COX16: variants seen among roughly 807,000 people sequenced by gnomAD.
COX16 encodes the protein cytochrome c oxidase assembly factor COX16.
COX16 carries 12 observed loss-of-function variants against 15.4 expected under a neutral mutation model. The ratio of observed to expected loss-of-function variants is 0.78; its 90% confidence interval spans 0.50 to 1.26. The LOEUF is 1.26. COX16 is among the 50% of genes most tolerant of loss of function. The probability of loss-of-function intolerance (pLI) is 0.00; values close to 1 mark genes in which losing one functional copy is unlikely to be tolerated. For synonymous variants in COX16, 46 were observed against 41.1 expected (o/e 1.12, Z -0.46); for missense variants, 124 against 127.6 (o/e 0.97, Z 0.14).
At chr14:70,343,027 A>G (rs1206797197) in intron 1 of COX16, among the ~76,000 whole-genome samples, 1 of 152,052 alleles carries the variant, frequency 6.6e-6, no homozygotes, top group African/African-American at 2.4e-5. Flanking sequence ...CAATAGACCT[A>G]TTTTTGTTTT....
At chr14:70,355,255 T>C (rs1463229864) in intron 1 of COX16, among the ~76,000 whole-genome samples, 1 of 152,162 alleles carries the variant, frequency 6.6e-6, no homozygotes, top group Non-Finnish European at 1.5e-5. Flanking sequence ...ATTTCATGAA[T>C]AAAATTTCAT....
Position 70,359,652 on chromosome 14 carries a change from G to T in COX16, c.-65C>A. 2.1e-6 allele frequency: 3 copies of T among 1,430,438 alleles called. No individual in the cohort carries two copies. 88.6% of individuals were successfully genotyped at this position (1,430,438 alleles called of 1,614,324 possible). The stretch of plus-strand genomic sequence containing the variant: ...TAGCGCAGACTCCCAAATCTCAGCA[G>T]CTCACGCTCTCACCAAGACGAGTAC... On this transcript the variant is annotated 5_prime_UTR_variant, in exon 1 of 4. The change creates a new upstream start codon in the 5' untranslated region. Coordinates refer to ENST00000389912, the MANE Select transcript of COX16 (RefSeq NM_016468.7).
At chr14:70,337,532 A>G (rs1002509560) in intron 2 of COX16, among the ~76,000 whole-genome samples, 4 of 152,062 alleles carry the variant, frequency 2.6e-5, no homozygotes, top group Admixed American at 6.5e-5. Context: ...AACCTCTATA[A>G]TTGTTTATAA....
intron 1 of COX16, among the ~76,000 whole-genome samples, chr14:70,343,234 G>T (rs957146062): frequency 6.6e-6 from 1 of 152,174 alleles, no homozygotes; most frequent in African/African-American, 2.4e-5. Context: ...AAATAAGGCA[G>T]ATGCCTAGCT....
chr14:70,330,949 T>G (rs1886267086), intron 2 of COX16, among the ~76,000 whole-genome samples: 1 of 152,182 alleles, frequency 6.6e-6, no homozygotes, highest in African/African-American at 2.4e-5. Context: ...ATATTTATAC[T>G]TTGGAGTAGG....
At chr14:70,329,352 CA>C (rs1886204229) in intron 2 of COX16, 116 bp from the exon 3 acceptor site, 4 of 726,074 alleles carry the variant, frequency 5.5e-6, no homozygotes, top group Non-Finnish European at 8.5e-6. Context: ...AAACACATGG[CA>C]AAATCTCCAC....
At position 70,347,057 on chromosome 14, in the gene COX16, G is replaced by A. The variant is rs1886804949; in HGVS notation, c.70-4328C>T. Among the ~76,000 whole-genome samples, 3 of 151,900 alleles carry A rather than the reference G, an allele frequency of 2.0e-5. 1 individual carries two copies. In the South Asian group the frequency reaches 6.2e-4, roughly 32 times the overall value. ...TGTTTAGAATATTTCCACACCTTCAGTCGCAAAACACCACACCCCCGTCCG... is the reference window on the plus strand; with the variant it reads ...TGTTTAGAATATTTCCACACCTTCAATCGCAAAACACCACACCCCCGTCCG... On this transcript the variant is annotated intron_variant, in intron 1 of 3. Coordinates refer to ENST00000389912, the MANE Select transcript of COX16 (RefSeq NM_016468.7).
At chr14:70,337,856 A>G (rs896849360) in intron 2 of COX16, among the ~76,000 whole-genome samples, 6 of 152,174 alleles carry the variant, frequency 3.9e-5, no homozygotes, top group Non-Finnish European at 7.3e-5. Flanking sequence ...CACAGCAAAA[A>G]AGAGGTTTAG....
intron 3 of COX16, among the ~76,000 whole-genome samples, chr14:70,327,877 T>A (rs1175153094): frequency 6.6e-6 from 1 of 151,960 alleles, no homozygotes; most frequent in Non-Finnish European, 1.5e-5. Context: ...GACATAACAC[T>A]TCACAGCCAA....
intron 2 of COX16, among the ~76,000 whole-genome samples, chr14:70,329,720 CCAAAAA>C (rs1886218839): frequency 1.7e-5 from 1 of 60,208 alleles, no homozygotes; most frequent in African/African-American, 5.4e-5. Context: ...TAGATATCTA[CCAAAAA>C]AAAAAAAAAA....
intron 1 of COX16, among the ~76,000 whole-genome samples, chr14:70,358,252 A>C (rs10148837): frequency 6.6e-6 from 1 of 151,726 alleles, no homozygotes; most frequent in Non-Finnish European, 1.5e-5. Context: ...ACTATTAGTT[A>C]TGATGCTTTT....
At chr14:70,326,963 C>A (rs1185496961) in intron 3 of COX16, among the ~76,000 whole-genome samples, 1 of 152,150 alleles carries the variant, frequency 6.6e-6, no homozygotes, top group Non-Finnish European at 1.5e-5. Context: ...TTTTGGGCAA[C>A]TGAAACTAAC....
chr14:70,354,829 A>AGTGTGTGTGC (rs1555345883), intron 1 of COX16, among the ~76,000 whole-genome samples: 282 of 85,764 alleles, frequency 3.3e-3, no homozygotes, highest in Non-Finnish European at 3.3e-3. Flanking sequence ...CTATGCATAG[A>AGTGTGTGTGC]GTGTGTGTGT....
intron 2 of COX16, among the ~76,000 whole-genome samples, chr14:70,340,202 G>T (rs375221103): frequency 6.6e-6 from 1 of 152,136 alleles, no homozygotes; most frequent in Non-Finnish European, 1.5e-5. Flanking sequence ...AAGATCTGAC[G>T]GTTTTATAAG....
rs747607355 is a variant in COX16 at position 70,357,918 on chromosome 14, A to G, written c.69+1601T>C. On this transcript the variant is annotated intron_variant, in intron 1 of 3. Transcript: ENST00000389912. ...TTCCCTACCTGAGAGAAATGAAAACATACTTCCACACAAAGCGTGTACATA... is the reference window on the plus strand; with the variant it reads ...TTCCCTACCTGAGAGAAATGAAAACGTACTTCCACACAAAGCGTGTACATA... Among the ~76,000 whole-genome samples, 78 of 152,348 alleles carry G rather than the reference A, an allele frequency of 5.1e-4. 1 individual carries two copies. The highest frequency in any genetic ancestry group is 7.2e-4 in the Admixed American group (11 of 15,298).
intron 2 of COX16, among the ~76,000 whole-genome samples, chr14:70,335,719 A>T (rs1217863853): frequency 6.6e-6 from 1 of 152,162 alleles, no homozygotes; most frequent in East Asian, 1.9e-4. Flanking sequence ...TTTGTACTAC[A>T]ACAGCAAACT....
At chr14:70,342,463 T>C (rs1886652281) in intron 2 of COX16, among the ~76,000 whole-genome samples, 195 bp downstream of exon 2, 1 of 152,034 alleles carries the variant, frequency 6.6e-6, no homozygotes, top group South Asian at 2.1e-4. Flanking sequence ...AAAAGAAAGA[T>C]TACGAAATTA....
chr14:70,359,512 C>T lies in COX16; in HGVS notation c.69+7G>A. The T allele has an allele frequency of 6.2e-7, 1 of 1,613,202 alleles. No homozygotes were observed. The highest frequency in any genetic ancestry group is 8.5e-7 in the Non-Finnish European group (1 of 1,179,172). Reference sequence around the variant, plus strand: ...CCCTTGCGGAAGATCCTCCTCACTCCACTCACCAACATGGGGACTCCATAG... The same window carrying T: ...CCCTTGCGGAAGATCCTCCTCACTCTACTCACCAACATGGGGACTCCATAG... On this transcript the variant is annotated splice_region_variant and intron_variant, in intron 1 of 3. Coordinates refer to ENST00000389912, the MANE Select transcript of COX16 (RefSeq NM_016468.7).
intron 1 of COX16, among the ~76,000 whole-genome samples, chr14:70,354,841 C>CGTGTGTGTGTGTGTGT (rs55646280): frequency 0.015 from 2,253 of 148,934 alleles, 49 homozygotes; most frequent in African/African-American, 0.053. Context: ...TGTGTGTGTG[C>CGTGTGTGTGTGTGTGT]GTGTGTGTGT....
Sources: gnomAD v4.1 joint callset for allele counts (sites outside exome capture counted in the v4.1 genomes callset) on GRCh38, gnomAD v4.1.1 for gene constraint, MANE v1.5 for transcripts, NCBI Gene and HGNC (gene_info 2026-07-23, HGNC 2026-07-21) for gene names.